Variants in DNAH6 observed in about 807,000 individuals in gnomAD.
DNAH6 encodes axonemal beta dynein heavy chain 6.
A neutral mutation model predicts 491.4 loss-of-function variants in DNAH6; 340 were observed. The ratio of observed to expected loss-of-function variants is 0.69; its 90% CI spans 0.63 to 0.76. The LOEUF is 0.76. DNAH6 is among the 30% of genes least tolerant of loss of function. The pLI, the probability that DNAH6 is intolerant of heterozygous loss-of-function variation, is 0.00. For missense variants in DNAH6, 4,443 were observed against 4,972.2 expected (o/e 0.89, Z 3.20); for synonymous variants, 1,603 against 1,686.1 (o/e 0.95, Z 1.21).
intron 63 of DNAH6, among the ~76,000 whole-genome samples, 198 bp downstream of exon 63, chr2:84,745,447 C>T (rs764006318): frequency 2.0e-5 from 3 of 152,148 alleles, no homozygotes; most frequent in Admixed American, 6.5e-5. Flanking sequence ...AGGTGGATCA[C>T]GGGGTCAGGA....
At chr2:84,508,482 C>T in the DNAH6 span, among the ~76,000 whole-genome samples, 1 of 151,932 alleles carries the variant, frequency 6.6e-6, no homozygotes, top group South Asian at 2.1e-4. Flanking sequence ...GTCTTGCTAG[C>T]GGCCTATGAA....
Position 84,688,461 on chromosome 2 carries a change from G to A in DNAH6, c.7160G>A (p.Arg2387Gln), listed in dbSNP as rs1416697469. 26 of 1,530,444 alleles carry A rather than the reference G, an allele frequency of 1.7e-5. No individual in the cohort carries two copies. Among genetic ancestry groups the A allele is most frequent in the Non-Finnish European group, 2.0e-5 (23 of 1,142,164 alleles). The allele number at this position is 1,530,444 out of a possible 1,614,324, so 94.8% of individuals were successfully genotyped here. ...FIKFGADKAD[R>Q]IYDDMPDIEK... is the part of the protein sequence containing the mutation. Reference sequence around the variant, plus strand: ...TAGTTTGGAGCAGATAAAGCTGATCGGATTTATGATGACATGCCTGATATA... The same window carrying A: ...TAGTTTGGAGCAGATAAAGCTGATCAGATTTATGATGACATGCCTGATATA... The change falls in exon 45 of 77, where the codon CGG becomes CAG. Residue 2387 changes from arginine to glutamine, a missense_variant. Arg to Gln is a conservative substitution (Grantham distance 43). Transcript: ENST00000389394.
intron 10 of DNAH6, among the ~76,000 whole-genome samples, chr2:84,554,377 CAG>C (rs1411342404): frequency 6.6e-6 from 1 of 152,206 alleles, no homozygotes; most frequent in East Asian, 1.9e-4. Context: ...CATATGTACA[CAG>C]GGGCAGGAAT....
chr2:84,721,876 C>G (rs1000125705), intron 59 of DNAH6, among the ~76,000 whole-genome samples: 2 of 152,072 alleles, frequency 1.3e-5, no homozygotes, highest in African/African-American at 4.8e-5. Context: ...AAAGGATTTC[C>G]CAACCCAGGG....
the DNAH6 span, among the ~76,000 whole-genome samples, chr2:84,510,721 T>G: frequency 1.3e-5 from 2 of 152,194 alleles, no homozygotes; most frequent in African/African-American, 4.8e-5. Context: ...ACCTTTGGTC[T>G]TTGATGATGG....
At chr2:84,504,075 G>A in the DNAH6 span, among the ~76,000 whole-genome samples, 26 of 151,858 alleles carry the variant, frequency 1.7e-4, no homozygotes, top group Non-Finnish European at 7.4e-5. Flanking sequence ...GATCCTGTAG[G>A]CATACTTGTT....
intron 70 of DNAH6, among the ~76,000 whole-genome samples, chr2:84,801,822 T>C (rs1341916775): frequency 6.7e-6 from 1 of 149,812 alleles, no homozygotes; most frequent in Non-Finnish European, 1.5e-5. Context: ...AGGCAGAGGT[T>C]GCAGTGAGCT....
intron 35 of DNAH6, among the ~76,000 whole-genome samples, chr2:84,657,789 C>A (rs1691118161): frequency 6.6e-6 from 1 of 151,890 alleles, no homozygotes; most frequent in Admixed American, 6.6e-5. Context: ...TCTTCCTTCC[C>A]AATCTGTATA....
intron 31 of DNAH6, among the ~76,000 whole-genome samples, chr2:84,639,451 C>T (rs1190175632): frequency 7.3e-6 from 1 of 137,502 alleles, no homozygotes; most frequent in Non-Finnish European, 1.5e-5. Flanking sequence ...AAGAGTCTGG[C>T]TCTGTCACCC....
chr2:84,597,239 T>C (rs896505055), intron 18 of DNAH6, among the ~76,000 whole-genome samples: 11 of 152,332 alleles, frequency 7.2e-5, no homozygotes, highest in African/African-American at 2.6e-4. Context: ...GATCCCTCTA[T>C]GTAGTTGTAC....
At chr2:84,667,259 A>C (rs932424675) in intron 37 of DNAH6, among the ~76,000 whole-genome samples, 2 of 152,196 alleles carry the variant, frequency 1.3e-5, no homozygotes, top group African/African-American at 4.8e-5. Context: ...GGATCTAATT[A>C]AACTAAAGAG....
At chr2:84,759,234 G>T (rs890335836) in intron 63 of DNAH6, among the ~76,000 whole-genome samples, 3 of 151,658 alleles carry the variant, frequency 2.0e-5, no homozygotes, top group Admixed American at 6.6e-5. Context: ...CTGGCTGGGC[G>T]CAGTGACTCA....
At position 84,687,961 on chromosome 2, in the gene DNAH6, G is replaced by A. The variant is rs536865075; in HGVS notation, c.7138-478G>A. On this transcript the variant is annotated intron_variant, in intron 44 of 76. Coordinates refer to ENST00000389394, the MANE Select transcript of DNAH6 (RefSeq NM_001370.2). ...GCAAAAAAATGAAACCAGGTCGGGC[G>A]CAGTGTCTCACACCTGTAATCCCAG... Among the ~76,000 whole-genome samples the A allele has an allele frequency of 7.2e-5, 11 of 152,176 alleles. 1 individual carries two copies. In the South Asian group the frequency reaches 1.0e-3, roughly 14 times the overall value.
At chr2:84,633,644 A>C (rs1318390211) in intron 29 of DNAH6, among the ~76,000 whole-genome samples, 1 of 150,866 alleles carries the variant, frequency 6.6e-6, no homozygotes, top group Non-Finnish European at 1.5e-5. Context: ...TGGGGCTGCA[A>C]TTCTCCCTTC....
At chr2:84,656,504 A>G (rs1690986222) in intron 35 of DNAH6, among the ~76,000 whole-genome samples, 1 of 151,922 alleles carries the variant, frequency 6.6e-6, no homozygotes, top group Non-Finnish European at 1.5e-5. Flanking sequence ...GTAGTAGTAT[A>G]TTGTTTTAAT....
rs1193072606 is a variant in DNAH6, at chr2:84,595,680, A to C, written c.2759A>C (p.Asn920Thr). The part of the protein sequence containing the change: ...KFDCLDPEVL[N>T]GQVSKYAKFV... ...GATTGCCTGGATCCAGAAGTCCTAA[A>C]CGGTCAAGTTTCTAAATATGCTAAA... The change falls in exon 18 of 77, where the codon AAC becomes ACC. Residue 920 changes from asparagine (N) to threonine (T), a missense_variant. By Grantham distance (65) the Asn-to-Thr change is moderately conservative. Coordinates refer to ENST00000389394, the MANE Select transcript of DNAH6 (RefSeq NM_001370.2). 6.4e-7 allele frequency: 1 copy of C among 1,550,726 alleles called. No homozygotes were observed. Among genetic ancestry groups the C allele is most frequent in the African/African-American group, 1.4e-5 (1 of 73,022 alleles).
chr2:84,470,053 A>AG, the DNAH6 span, among the ~76,000 whole-genome samples: 3 of 152,224 alleles, frequency 2.0e-5, no homozygotes, highest in African/African-American at 7.2e-5. Context: ...TCTTTACCTG[A>AG]GTATATGCAC....
chr2:84,669,654 A>G (rs756478079), intron 38 of DNAH6, 144 bp downstream of exon 38: 2 of 721,540 alleles, frequency 2.8e-6, no homozygotes, highest in African/African-American at 1.8e-5. Flanking sequence ...ATTATGCTGA[A>G]TCTATATTGA....
At chr2:84,528,768 G>A (rs1676845911) in intron 3 of DNAH6, 136 bp from the exon 4 acceptor site, 1 of 818,714 alleles carries the variant, frequency 1.2e-6, no homozygotes, top group African/African-American at 1.7e-5. Context: ...AAAATTTTCA[G>A]TGCCAAAATG....
Sources: gnomAD v4.1 joint callset for allele counts (sites outside exome capture counted in the v4.1 genomes callset) on GRCh38, gnomAD v4.1.1 for gene constraint, MANE v1.5 for transcripts, NCBI Gene and HGNC (gene_info 2026-07-23, HGNC 2026-07-21) for gene names.